The following COP1 variants were observed in gnomAD, a reference collection of about 807,000 sequenced individuals.
The protein encoded by COP1 is E3 ubiquitin-protein ligase COP1.
Under a neutral mutation model 101.3 loss-of-function variants are expected in COP1, and 24 were observed. That is an observed-to-expected ratio of 0.24 (90% CI 0.17 to 0.33). COP1 has a LOEUF of 0.33. Ranked by LOEUF, COP1 falls within the 10% of genes least tolerant of loss-of-function variation. The pLI is 1.00. For synonymous variants in COP1, 347 were observed against 341.9 expected, an observed-to-expected ratio of 1.01 and a Z score of -0.17; for missense variants, 663 against 906.2, an observed-to-expected ratio of 0.73 and a Z score of 3.45.
At chr1:176,008,739 G>T (rs541072062) in intron 15 of COP1, among the ~76,000 whole-genome samples, 2 of 152,100 alleles carry the variant, frequency 1.3e-5, no homozygotes, top group African/African-American at 4.8e-5. Flanking sequence ...TGCTATTGGC[G>T]GTGTTGCTGT....
chr1:176,050,043 T>C (rs1003847789), intron 11 of COP1, among the ~76,000 whole-genome samples: 1 of 152,202 alleles, frequency 6.6e-6, no homozygotes, highest in African/African-American at 2.4e-5. Context: ...AACAAGAGAT[T>C]TATAAAAATT....
chr1:176,114,414 G>C (rs747315852), intron 9 of COP1, among the ~76,000 whole-genome samples: 38 of 152,052 alleles, frequency 2.5e-4, no homozygotes, highest in Admixed American at 6.6e-4. Context: ...CAAGTTTGGA[G>C]ACAAGAAAAA....
chr1:176,011,066 A>G (rs921080982), intron 15 of COP1, among the ~76,000 whole-genome samples: 9 of 152,318 alleles, frequency 5.9e-5, no homozygotes, highest in Admixed American at 5.9e-4. Context: ...TTCTAATTAA[A>G]ACAGATTTTA....
At chr1:176,015,933 A>G (rs561018698) in intron 15 of COP1, among the ~76,000 whole-genome samples, 2 of 152,294 alleles carry the variant, frequency 1.3e-5, no homozygotes, top group African/African-American at 4.8e-5. Context: ...ATTTTTTTAA[A>G]AAGAGGATGA....
At chr1:176,061,055 A>G (rs1472451586) in intron 11 of COP1, among the ~76,000 whole-genome samples, 4 of 152,216 alleles carry the variant, frequency 2.6e-5, no homozygotes, top group African/African-American at 9.6e-5. Flanking sequence ...CCTAATTTCA[A>G]GCCTTGTTAT....
At chr1:176,144,586 A>G (rs1331605795) in intron 6 of COP1, among the ~76,000 whole-genome samples, 1 of 152,168 alleles carries the variant, frequency 6.6e-6, no homozygotes, top group African/African-American at 2.4e-5. Flanking sequence ...TAAAATTTAT[A>G]CTGAAATGCA....
intron 15 of COP1, among the ~76,000 whole-genome samples, chr1:176,023,131 C>T (rs187156303): frequency 7.2e-5 from 11 of 152,296 alleles, no homozygotes; most frequent in African/African-American, 2.6e-4. Context: ...AATAACAGCT[C>T]TCCTGGCCTA....
intron 15 of COP1, among the ~76,000 whole-genome samples, chr1:175,995,437 A>C (rs1334487882): frequency 6.7e-6 from 1 of 150,128 alleles, no homozygotes; most frequent in Non-Finnish European, 1.5e-5. Flanking sequence ...AAACCCTTCA[A>C]AAAAATTAAT....
chr1:176,147,320 T>G (rs956763038), intron 6 of COP1, among the ~76,000 whole-genome samples: 1 of 152,200 alleles, frequency 6.6e-6, no homozygotes, highest in African/African-American at 2.4e-5. Context: ...ATCACTATAG[T>G]ACCCAATTCC....
intron 18 of COP1, 133 bp downstream of exon 18, chr1:175,986,810 G>C (rs923498141): frequency 4.9e-5 from 30 of 613,072 alleles, no homozygotes; most frequent in African/African-American, 4.7e-4. Context: ...TATTGTCTTT[G>C]GTGACACATT....
chr1:176,120,350 G>A (rs1162655706), intron 8 of COP1, among the ~76,000 whole-genome samples: 3 of 151,324 alleles, frequency 2.0e-5, no homozygotes, highest in Non-Finnish European at 4.4e-5. Context: ...AACCCAGGAG[G>A]CGGAGGTTGC....
intron 3 of COP1, among the ~76,000 whole-genome samples, chr1:176,168,078 A>C (rs899442379): frequency 2.0e-5 from 3 of 151,378 alleles, no homozygotes; most frequent in Admixed American, 2.0e-4. Flanking sequence ...TTTTTTTTGA[A>C]ACAGAGTCTC....
intron 6 of COP1, among the ~76,000 whole-genome samples, chr1:176,137,587 G>T (rs1690009232): frequency 6.6e-6 from 1 of 152,134 alleles, no homozygotes; most frequent in South Asian, 2.1e-4. Flanking sequence ...ATGAAGCACA[G>T]AAAGGTTAAA....
chr1:176,182,962 A>G (rs1697980732), intron 2 of COP1, among the ~76,000 whole-genome samples: 1 of 152,252 alleles, frequency 6.6e-6, no homozygotes, highest in Admixed American at 6.5e-5. Context: ...GAGGTAGGTA[A>G]GAAAAACTAG....
chr1:176,176,494 A>G (rs1696955832), intron 2 of COP1, among the ~76,000 whole-genome samples: 1 of 152,222 alleles, frequency 6.6e-6, no homozygotes, highest in Non-Finnish European at 1.5e-5. Flanking sequence ...TTAAAATTAT[A>G]TACTAGATTT....
At chr1:176,120,205 G>A (rs527519472) in intron 8 of COP1, among the ~76,000 whole-genome samples, 1 of 152,042 alleles carries the variant, frequency 6.6e-6, no homozygotes, top group Admixed American at 6.6e-5. Flanking sequence ...CGGATCACCT[G>A]AGGTCAGGAG....
chr1:176,138,435 A>G (rs1390087741), intron 6 of COP1, among the ~76,000 whole-genome samples: 2 of 152,082 alleles, frequency 1.3e-5, no homozygotes, highest in African/African-American at 4.8e-5. Context: ...CATTTTCAAA[A>G]GCTTTCAACT....
chr1:176,005,907 T>C (rs1243190012), intron 15 of COP1, among the ~76,000 whole-genome samples: 2 of 152,158 alleles, frequency 1.3e-5, no homozygotes, highest in Non-Finnish European at 2.9e-5. Flanking sequence ...GTATCCTTGT[T>C]GACTTTCTGT....
intron 14 of COP1, among the ~76,000 whole-genome samples, chr1:176,030,779 T>A (rs1275005639): frequency 1.3e-5 from 2 of 152,196 alleles, no homozygotes; most frequent in Non-Finnish European, 2.9e-5. Flanking sequence ...AGGTGTTAAT[T>A]GTGTTCCCCA....
Sources: gnomAD v4.1 joint callset for allele counts (sites outside exome capture counted in the v4.1 genomes callset) on GRCh38, gnomAD v4.1.1 for gene constraint, MANE v1.5 for transcripts, NCBI Gene and HGNC (gene_info 2026-07-23, HGNC 2026-07-21) for gene names.